The following MYO1B variants were observed in gnomAD, a reference collection of about 807,000 sequenced individuals.
MYO1B encodes the protein myosin IB.
In MYO1B, 72 loss-of-function variants were observed where a neutral mutation model predicts 159.7. The ratio of observed to expected loss-of-function variants is 0.45; its 90% CI spans 0.37 to 0.55. The LOEUF (loss-of-function observed/expected upper bound fraction) is 0.55. Among genes scored for constraint, MYO1B ranks in the 20% least tolerant of loss-of-function variants. The probability of loss-of-function intolerance (pLI) is 0.00; values close to 1 mark genes in which losing one functional copy is unlikely to be tolerated. For synonymous variants in MYO1B, 468 were observed against 473.8 expected, an observed-to-expected ratio of 0.99 and a Z score of 0.16; for missense variants, 1,062 against 1,364.8, an observed-to-expected ratio of 0.78 and a Z score of 3.50.
rs1553552025 is a variant in MYO1B at position 191,360,751 on chromosome 2, G to GTGGTGGTGT, written c.661+24_661+25insGTGGTGTTG. 8.3e-4 allele frequency: 930 copies of GTGGTGGTGT among 1,118,286 alleles called. 2 individuals are homozygous for GTGGTGGTGT. The African/African-American group carries it at 0.011, about 13-fold the overall frequency. 69.3% of individuals were successfully genotyped at this position (1,118,286 alleles called of 1,614,324 possible). A position where few individuals can be genotyped will look rare whatever the true frequency, so the allele number is the denominator to read the frequency against. ...CTCAGTAAGTCTCTGTTTCTATGTG[G>GTGGTGGTGT]TGTTGTTGTTGTTGTTGTTGTTGTT... On this transcript the variant is annotated intron_variant, in intron 8 of 30. Coordinates refer to ENST00000392318, the MANE Select transcript of MYO1B (RefSeq NM_001130158.3).
At chr2:191,364,386 G>C (rs563802842) in intron 11 of MYO1B, 110 bp downstream of exon 11, 49 of 837,728 alleles carry the variant, frequency 5.8e-5, no homozygotes, top group Non-Finnish European at 9.4e-5. Flanking sequence ...ATCGTACTAT[G>C]TTCTAGGCAT....
At position 191,412,771 on chromosome 2, in the gene MYO1B, G is replaced by A. The variant is rs375374699; in HGVS notation, c.2874-1277G>A. 5.3e-5 allele frequency among the ~76,000 whole-genome samples: 8 copies of A among 152,122 alleles called. No homozygotes were observed. The East Asian group carries it at 7.7e-4, about 15-fold the overall frequency. On this transcript the variant is annotated intron_variant, in intron 27 of 30. Coordinates refer to ENST00000392318, the MANE Select transcript of MYO1B (RefSeq NM_001130158.3). ...TGAACCTGTCCTGAAAGAGTCCCCC[G>A]ACAAGTCTTTAGGGAAATTGATATC...
chr2:191,322,785 G>A (rs1690810103), intron 3 of MYO1B, among the ~76,000 whole-genome samples: 1 of 152,124 alleles, frequency 6.6e-6, no homozygotes, highest in Admixed American at 6.6e-5. Flanking sequence ...CAGGAAAGGG[G>A]TCCCAATCCA....
rs1041718138 is a variant in MYO1B at position 191,409,079 on chromosome 2, G to A, written c.2667G>A (p.Met889Ile). ...ACTTCTTGGAAATGAAAAATAAGATGCCTTCCTTATCTCCAATAGACAAGA... is the reference window on the plus strand; with the variant it reads ...ACTTCTTGGAAATGAAAAATAAGATACCTTCCTTATCTCCAATAGACAAGA... ...QKYFLEMKNKMPSLSPIDKNW... is the reference protein window; with the variant it reads ...QKYFLEMKNKIPSLSPIDKNW... Residue 889 changes from methionine (M) to isoleucine (I), a missense_variant, in exon 26 of 31, where the codon ATG (methionine) becomes ATA (isoleucine). Met to Ile is a conservative substitution (Grantham distance 10). Around this residue, in one of 5 missense-constraint regions of MYO1B, gnomAD observed 609 missense variants for 744.4 expected, o/e 0.82. Coordinates refer to ENST00000392318, the MANE Select transcript of MYO1B (RefSeq NM_001130158.3). 9.9e-6 allele frequency: 16 copies of A among 1,611,632 alleles called. No homozygotes were observed. Among genetic ancestry groups the A allele is most frequent in the Non-Finnish European group, 1.3e-5 (15 of 1,179,444 alleles).
intron 1 of MYO1B, among the ~76,000 whole-genome samples, chr2:191,272,569 T>C (rs1444308048): frequency 6.6e-6 from 1 of 152,220 alleles, no homozygotes; most frequent in African/African-American, 2.4e-5. Context: ...AGGTTACATC[T>C]CTATGTCTCC....
Position 191,393,138 on chromosome 2 carries a change from A to T in MYO1B, c.2142A>T (p.Ile714=), listed in dbSNP as rs753597767. ...LEDLATLIQK[I]YRGWKCRTHF... is the part of the protein sequence containing the mutation. Reference sequence around the variant, plus strand: ...ACTTGGCCACTCTCATTCAGAAGATATATCGGGGGTGGAAATGCCGCACAC... The same window carrying T: ...ACTTGGCCACTCTCATTCAGAAGATTTATCGGGGGTGGAAATGCCGCACAC... Residue 714 remains isoleucine, a synonymous_variant, in exon 20 of 31, where the codon ATA becomes ATT. Coordinates refer to ENST00000392318, the MANE Select transcript of MYO1B (RefSeq NM_001130158.3). 6.2e-7 allele frequency: 1 copy of T among 1,614,106 alleles called. No homozygotes were observed. Among genetic ancestry groups the T allele is most frequent in the Non-Finnish European group, 8.5e-7 (1 of 1,179,988 alleles).
At chr2:191,336,026 A>G (rs149566948) in intron 4 of MYO1B, among the ~76,000 whole-genome samples, 3 of 152,300 alleles carry the variant, frequency 2.0e-5, no homozygotes, top group East Asian at 1.9e-4. Context: ...ATGAATACAG[A>G]TGGTTTGTGG....
intron 3 of MYO1B, among the ~76,000 whole-genome samples, chr2:191,297,735 A>C (rs565499382): frequency 6.6e-6 from 1 of 152,274 alleles, no homozygotes; most frequent in African/African-American, 2.4e-5. Flanking sequence ...TAGAGTTGAG[A>C]CATTTTCAGT....
At chr2:191,329,909 G>A in intron 3 of MYO1B, 26 bp from the exon 4 acceptor site, 1 of 1,594,550 alleles carries the variant, frequency 6.3e-7, no homozygotes, top group Non-Finnish European at 8.6e-7. Flanking sequence ...GAAGTCTAAG[G>A]AATTTTTTTC....
intron 30 of MYO1B, among the ~76,000 whole-genome samples, chr2:191,417,144 A>G (rs1341805922): frequency 1.3e-5 from 2 of 152,172 alleles, no homozygotes; most frequent in Non-Finnish European, 2.9e-5. Context: ...AACTCTTCCT[A>G]AAAGTCTTTC....
rs1401910633 is a variant in MYO1B, at chr2:191,310,981, A to G, written c.251+14755A>G. Among the ~76,000 whole-genome samples the G allele has an allele frequency of 5.3e-5, 8 of 152,202 alleles. No homozygotes were observed. The East Asian group carries it at 9.6e-4, about 18-fold the overall frequency. On this transcript the variant is annotated intron_variant, in intron 3 of 30. Coordinates refer to ENST00000392318, the MANE Select transcript of MYO1B (RefSeq NM_001130158.3). ...TAGTTGCTATTGGTGATGAGTCACA[A>G]TGTAATTTAGGAAGGGGCAACATTT...
At chr2:191,290,173 A>G (rs1370261510) in intron 2 of MYO1B, among the ~76,000 whole-genome samples, 1 of 152,234 alleles carries the variant, frequency 6.6e-6, no homozygotes, top group Middle Eastern at 3.2e-3. Context: ...GGGTCTTACT[A>G]TAAATATTTT....
chr2:191,419,189 ATGT>A (rs1697771904), intron 30 of MYO1B, among the ~76,000 whole-genome samples: 1 of 152,072 alleles, frequency 6.6e-6, no homozygotes, highest in Non-Finnish European at 1.5e-5. Context: ...ATAATAAATG[ATGT>A]TGTTACTGGT....
Position 191,360,740 on chromosome 2 carries a change from G to A in MYO1B, c.661+11G>A, listed in dbSNP as rs759269479. ...CTGAAGAGCTCCTCAGTAAGTCTCT[G>A]TTTCTATGTGGTGTTGTTGTTGTTG... is the stretch of plus-strand genomic sequence containing the variant. On this transcript the variant is annotated intron_variant, in intron 8 of 30. Coordinates refer to ENST00000392318, the MANE Select transcript of MYO1B (RefSeq NM_001130158.3). 48 of 1,425,220 alleles carry A rather than the reference G, an allele frequency of 3.4e-5. No homozygotes were observed. Among genetic ancestry groups the A allele is most frequent in the Non-Finnish European group, 4.4e-5 (45 of 1,028,168 alleles). 88.3% of individuals were successfully genotyped at this position (1,425,220 alleles called of 1,614,324 possible).
chr2:191,416,015 A>T (rs1010780102), intron 29 of MYO1B, 100 bp from the exon 30 acceptor site: 30 of 1,267,854 alleles, frequency 2.4e-5, no homozygotes, highest in African/African-American at 3.0e-5. Flanking sequence ...CCAGGATCTG[A>T]TGTTTTAAAG....
intron 3 of MYO1B, among the ~76,000 whole-genome samples, chr2:191,312,913 C>T (rs1384363623): frequency 6.6e-6 from 1 of 152,196 alleles, no homozygotes; most frequent in Non-Finnish European, 1.5e-5. Context: ...GTGCTGCTTA[C>T]TGACAAAATT....
chr2:191,300,043 CTTCCTT>C (rs1387899363), intron 3 of MYO1B, among the ~76,000 whole-genome samples: 1 of 152,220 alleles, frequency 6.6e-6, no homozygotes, highest in Admixed American at 6.5e-5. Flanking sequence ...TCATTTTCCA[CTTCCTT>C]TAGTGTATTT....
chr2:191,280,349 C>T (rs1454009335), intron 2 of MYO1B, among the ~76,000 whole-genome samples: 1 of 152,204 alleles, frequency 6.6e-6, no homozygotes, highest in Non-Finnish European at 1.5e-5. Context: ...AGTCATTCTG[C>T]TTTCACAATT....
chr2:191,408,190 G>T lies in MYO1B; in HGVS notation c.2631+1G>T. 1.2e-6 allele frequency: 2 copies of T among 1,607,376 alleles called. No individual in the cohort carries two copies. The highest frequency in any genetic ancestry group is 8.5e-7 in the Non-Finnish European group (1 of 1,174,150). Reference sequence around the variant, plus strand: ...CTATGAGTTTACGCTTCAGAGAATTGTAAGTTGACACTTTATATCTGTGGA... The same window carrying T: ...CTATGAGTTTACGCTTCAGAGAATTTTAAGTTGACACTTTATATCTGTGGA... On this transcript the variant is annotated splice_donor_variant, in intron 25 of 30. Coordinates refer to ENST00000392318, the MANE Select transcript of MYO1B (RefSeq NM_001130158.3). LOFTEE classifies it high-confidence loss of function.
Sources: gnomAD v4.1 joint callset for allele counts (sites outside exome capture counted in the v4.1 genomes callset) on GRCh38, gnomAD v4.1.1 for gene constraint, gnomAD v4.1.1 regional missense constraint, MANE v1.5 for transcripts, NCBI Gene and HGNC (gene_info 2026-07-23, HGNC 2026-07-21) for gene names.